ADAM28: variants seen among roughly 807,000 people sequenced by gnomAD.
ADAM28 encodes ADAM metallopeptidase domain 28.
A neutral mutation model predicts 101.2 loss-of-function variants in ADAM28; 105 were observed. That is an observed-to-expected ratio of 1.04 (90% CI 0.89 to 1.22). ADAM28 has a LOEUF of 1.22. Among genes scored for constraint, ADAM28 ranks in the 50% most tolerant of loss-of-function variants. The pLI, the probability that ADAM28 is intolerant of heterozygous loss-of-function variation, is 0.00. For missense variants in ADAM28, 1,028 were observed against 945.4 expected, an observed-to-expected ratio of 1.09 and a Z score of -1.15; for synonymous variants, 322 against 310.6, an observed-to-expected ratio of 1.04 and a Z score of -0.39.
At chr8:24,321,554 C>A in intron 8 of ADAM28, 1 of 405,850 alleles carries the variant, frequency 2.5e-6, no homozygotes, top group Non-Finnish European at 4.5e-6. Flanking sequence ...ATTGTATTTT[C>A]CAAAAATCCG....
chr8:24,325,870 G>GAAAAAAAAAAAAA (rs1255708868), intron 9 of ADAM28, among the ~76,000 whole-genome samples: 6 of 1,798 alleles, frequency 3.3e-3, no homozygotes, highest in Non-Finnish European at 5.8e-3. Context: ...TGTACAGATA[G>GAAAAAAAAAAAAA]CAAAAAAAAA....
intron 18 of ADAM28, among the ~76,000 whole-genome samples, chr8:24,349,591 G>A (rs7829503): frequency 0.072 from 10,995 of 151,928 alleles, 712 homozygotes; most frequent in African/African-American, 0.17. Context: ...TCATTTCCCA[G>A]TTGTTACAAA....
At position 24,343,564 on chromosome 8, in the gene ADAM28, A is replaced by G; in HGVS notation, c.1970A>G (p.Asp657Gly). 6.2e-7 allele frequency: 1 copy of G among 1,613,762 alleles called. No homozygotes were observed. Among genetic ancestry groups the G allele is most frequent in the South Asian group, 1.1e-5 (1 of 91,062 alleles). ...CEEGWIPPDC[D>G]DSSVVFHFSI... ...GAAGGATGGATCCCTCCCGACTGCGATGACTCCTCAGTGGTCTTCCGTAGG... is the reference window on the plus strand; with the variant it reads ...GAAGGATGGATCCCTCCCGACTGCGGTGACTCCTCAGTGGTCTTCCGTAGG... Residue 657 changes from aspartate (D) to glycine (G), a missense_variant, in exon 18 of 23, where the codon GAT (aspartate) becomes GGT (glycine). By Grantham distance (94) the Asp-to-Gly change is moderately conservative. Coordinates refer to ENST00000265769, the MANE Select transcript of ADAM28 (RefSeq NM_014265.6).
At chr8:24,330,983 G>A (rs963414908) in intron 11 of ADAM28, among the ~76,000 whole-genome samples, 167 bp from the exon 12 acceptor site, 1 of 152,104 alleles carries the variant, frequency 6.6e-6, no homozygotes, top group Non-Finnish European at 1.5e-5. Flanking sequence ...GAAGTTGGAG[G>A]TGGGTTAATT....
intron 14 of ADAM28, 92 bp downstream of exon 14, chr8:24,335,733 T>G (rs1196032121): frequency 3.7e-6 from 5 of 1,336,788 alleles, no homozygotes; most frequent in Non-Finnish European, 4.8e-6. Context: ...CATTCTGTCC[T>G]ATCCTTCTTA....
In ADAM28 at chr8:24,329,662, G is replaced by A. The variant is rs1263667222; in HGVS notation, c.973-323G>A. ...TAGACTTCTAAAAGGCAAGCCAAAT[G>A]TAAGGGAGATAGATCACTTAAAAAA... is the stretch of plus-strand genomic sequence containing the variant. On this transcript the variant is annotated intron_variant, in intron 10 of 22. Transcript: ENST00000265769. Among the ~76,000 whole-genome samples the A allele has an allele frequency of 5.9e-5, 9 of 152,090 alleles. No individual in the cohort carries two copies. The East Asian group carries it at 1.7e-3, about 29-fold the overall frequency.
intron 18 of ADAM28, chr8:24,346,925 C>T (rs1815472887): frequency 6.6e-6 from 1 of 152,068 alleles, no homozygotes; most frequent in African/African-American, 2.4e-5. Context: ...TTTTTAAACA[C>T]AGGAAACACA....
rs1298779262 is a variant in ADAM28, at chr8:24,356,012, C to T, written c.*1608C>T. 1.3e-5 allele frequency: 2 copies of T among 152,112 alleles called. No individual in the cohort carries two copies. The allele number at this position is 152,112 out of a possible 1,614,324, so 9.4% of individuals were successfully genotyped here. ...CATGAGGAACTTTATGGTTCATTTA[C>T]CCTTGCAGTATGAGGTTCTAGATAA... On this transcript the variant is annotated 3_prime_UTR_variant, in exon 23 of 23. Transcript: ENST00000265769.
chr8:24,335,666 G>C, intron 14 of ADAM28, 25 bp downstream of exon 14: 1 of 1,545,282 alleles, frequency 6.5e-7, no homozygotes, highest in African/African-American at 1.4e-5. Flanking sequence ...CCTTTCCCCT[G>C]TGCATGTGCG....
In ADAM28 at chr8:24,358,419, G is replaced by C. The variant is rs921189389; in HGVS notation, c.*4015G>C. On this transcript the variant is annotated 3_prime_UTR_variant, in exon 23 of 23. Coordinates refer to ENST00000265769, the MANE Select transcript of ADAM28 (RefSeq NM_014265.6). ...AATATGGAAATGGTTGGGGTGATAA[G>C]CAAGTCTTGCATATTCTTTTCTCCT... 6.6e-6 allele frequency: 1 copy of C among 152,212 alleles called. No homozygotes were observed. 9.4% of individuals were successfully genotyped at this position (152,212 alleles called of 1,614,324 possible).
At chr8:24,351,202 C>T in intron 19 of ADAM28, 30 bp from the exon 20 acceptor site, 1 of 1,495,260 alleles carries the variant, frequency 6.7e-7, no homozygotes, top group Non-Finnish European at 9.0e-7. Context: ...GCTGCTAAGT[C>T]AATTGATATC....
At chr8:24,340,500 G>C (rs1369849148) in intron 15 of ADAM28, among the ~76,000 whole-genome samples, 1 of 152,184 alleles carries the variant, frequency 6.6e-6, no homozygotes, top group Non-Finnish European at 1.5e-5. Context: ...AATGGGAAGA[G>C]AGTGGGTCTC....
chr8:24,353,465 A>G lies in ADAM28; in HGVS notation c.2245-305A>G, dbSNP rs955813697. ...CAAGAAATTTCACATTTTTAGTGAGAAAAAACAAGTCATATAAAAATGGAG... is the reference window on the plus strand; with the variant it reads ...CAAGAAATTTCACATTTTTAGTGAGGAAAAACAAGTCATATAAAAATGGAG... On this transcript the variant is annotated intron_variant, in intron 21 of 22. Transcript: ENST00000265769. 3.9e-5 allele frequency among the ~76,000 whole-genome samples: 6 copies of G among 152,244 alleles called. 1 individual carries two copies. In the East Asian group the frequency reaches 1.2e-3, roughly 29 times the overall value.
chr8:24,347,377 G>T (rs1815525885), intron 18 of ADAM28, among the ~76,000 whole-genome samples: 1 of 151,638 alleles, frequency 6.6e-6, no homozygotes, highest in Non-Finnish European at 1.5e-5. Context: ...GCTGAATTTT[G>T]GTATCAAGGT....
intron 9 of ADAM28, among the ~76,000 whole-genome samples, chr8:24,325,883 A>AAACAAACAAAC (rs780810294): frequency 1.3e-4 from 15 of 114,704 alleles, no homozygotes; most frequent in Admixed American, 6.0e-4. Context: ...AAAAAAAAAA[A>AAACAAACAAAC]AAAAAAAAAA....
intron 22 of ADAM28, among the ~76,000 whole-genome samples, chr8:24,354,139 T>TC (rs1375847213): frequency 4.6e-5 from 7 of 152,062 alleles, no homozygotes; most frequent in African/African-American, 1.4e-4. Flanking sequence ...TAACTCTCCT[T>TC]CTGGTCCCCT....
At chr8:24,309,313 C>A (rs542503233) in intron 2 of ADAM28, among the ~76,000 whole-genome samples, 1 of 152,212 alleles carries the variant, frequency 6.6e-6, no homozygotes, top group South Asian at 2.1e-4. Context: ...TCCAGTTAGT[C>A]TTGAGAAGAC....
At chr8:24,302,612 G>A (rs1334585377) in intron 2 of ADAM28, among the ~76,000 whole-genome samples, 1 of 152,094 alleles carries the variant, frequency 6.6e-6, no homozygotes, top group Admixed American at 6.5e-5. Context: ...ATTGTTTCTT[G>A]ACTTTTTAAT....
intron 16 of ADAM28, 138 bp downstream of exon 16, chr8:24,341,895 T>G: frequency 9.9e-7 from 1 of 1,012,778 alleles, no homozygotes; most frequent in South Asian, 1.5e-5. Context: ...ACCCACAGAG[T>G]TTGAATTTGG....
Sources: gnomAD v4.1 joint callset for allele counts (sites outside exome capture counted in the v4.1 genomes callset) on GRCh38, gnomAD v4.1.1 for gene constraint, MANE v1.5 for transcripts, NCBI Gene and HGNC (gene_info 2026-07-23, HGNC 2026-07-21) for gene names.